Variants in MAD1L1 observed in about 807,000 individuals in gnomAD.
MAD1L1 encodes mitotic arrest deficient 1 like 1, also known as mitotic spindle assembly checkpoint protein MAD1.
A neutral mutation model predicts 96.9 loss-of-function variants in MAD1L1; 95 were observed. The ratio of observed to expected loss-of-function variants is 0.98; its 90% CI spans 0.83 to 1.16. The LOEUF (loss-of-function observed/expected upper bound fraction) is 1.16. Ranked by LOEUF, MAD1L1 falls within the 50% of genes most tolerant of loss-of-function variation. MAD1L1 has a pLI of 0.00. For synonymous variants in MAD1L1, 473 were observed against 396.6 expected, an observed-to-expected ratio of 1.19 and a Z score of -2.29; for missense variants, 1,007 against 954.4, an observed-to-expected ratio of 1.06 and a Z score of -0.73.
intron 15 of MAD1L1, among the ~76,000 whole-genome samples, chr7:1,976,407 G>A (rs1234278782): frequency 6.6e-6 from 1 of 152,208 alleles, no homozygotes; most frequent in African/African-American, 2.4e-5. Context: ...TTCATGGTGA[G>A]TGTTACAGCT....
At chr7:1,959,931 AATT>A (rs1779883324) in intron 15 of MAD1L1, among the ~76,000 whole-genome samples, 1 of 152,230 alleles carries the variant, frequency 6.6e-6, no homozygotes, top group Non-Finnish European at 1.5e-5. Context: ...AAAAAATTTA[AATT>A]ATTAACTTTT....
In MAD1L1 at chr7:2,225,532, G is replaced by T. The variant is rs780906276; in HGVS notation, c.169C>A (p.Gln57Lys). Residue 57 changes from glutamine (Q) to lysine (K), a missense_variant, in exon 4 of 19, where the codon CAG (glutamine) becomes AAG (lysine). Gln to Lys is a moderately conservative substitution (Grantham distance 53, BLOSUM62 1). Coordinates refer to ENST00000265854, the MANE Select transcript of MAD1L1 (RefSeq NM_001013836.2). The part of the protein sequence containing the change: ...QSMQLEERAE[Q>K]IRSKSHLIQV... ...ATGAGGTGGGACTTCGAACGGATCT[G>T]CTCTGCTCTTTCCTCCAGCTGAGCA... The T allele has an allele frequency of 6.2e-7, 1 of 1,613,774 alleles. No homozygotes were observed. Among genetic ancestry groups the T allele is most frequent in the Non-Finnish European group, 8.5e-7 (1 of 1,180,026 alleles).
intron 11 of MAD1L1, among the ~76,000 whole-genome samples, chr7:2,073,403 G>A (rs774363442): frequency 1.4e-4 from 22 of 152,164 alleles, no homozygotes; most frequent in Admixed American, 1.3e-4. Flanking sequence ...ACCCTTGCTG[G>A]CACCCAGATC....
At chr7:1,945,932 CAA>C (rs1452427256) in intron 16 of MAD1L1, among the ~76,000 whole-genome samples, 1 of 152,160 alleles carries the variant, frequency 6.6e-6, no homozygotes, top group Non-Finnish European at 1.5e-5. Context: ...TCCTCCTACG[CAA>C]AGACCCAAGC....
chr7:2,032,067 C>T (rs1227540485), intron 12 of MAD1L1, among the ~76,000 whole-genome samples: 1 of 152,234 alleles, frequency 6.6e-6, no homozygotes, highest in Non-Finnish European at 1.5e-5. Flanking sequence ...GCAGCCAGTG[C>T]CCAGGGTGCC....
intron 11 of MAD1L1, among the ~76,000 whole-genome samples, chr7:2,126,084 G>A (rs1339823284): frequency 6.6e-6 from 1 of 152,210 alleles, no homozygotes. Context: ...GACAGACCCA[G>A]GCTTCGGTCC....
At chr7:2,037,250 T>C (rs1481665403) in intron 12 of MAD1L1, among the ~76,000 whole-genome samples, 1 of 150,380 alleles carries the variant, frequency 6.6e-6, no homozygotes, top group Non-Finnish European at 1.5e-5. Context: ...TTTAGAAGAA[T>C]GGAGAAGATG....
rs367730610 is a variant in MAD1L1, at chr7:1,977,300, C to T, written c.1505+3153G>A. Among the ~76,000 whole-genome samples, 212 of 152,352 alleles carry T rather than the reference C, an allele frequency of 1.4e-3. 6 individuals are homozygous for T. In the South Asian group the frequency reaches 0.039, roughly 28 times the overall value. Reference sequence around the variant, plus strand: ...AGGCCCAGTGAGAATTCGACTGCAGCGCAGATGGGCCAGCAGTGCTGGGGG... The same window carrying T: ...AGGCCCAGTGAGAATTCGACTGCAGTGCAGATGGGCCAGCAGTGCTGGGGG... On this transcript the variant is annotated intron_variant, in intron 15 of 18. Coordinates refer to ENST00000265854, the MANE Select transcript of MAD1L1 (RefSeq NM_001013836.2).
chr7:2,050,864 G>A (rs1386574576), intron 12 of MAD1L1, among the ~76,000 whole-genome samples: 1 of 152,194 alleles, frequency 6.6e-6, no homozygotes, highest in Admixed American at 6.5e-5. Flanking sequence ...TCCAGGAGGG[G>A]CCTAGAGAGG....
chr7:1,825,406 C>T (rs563428898), intron 18 of MAD1L1, among the ~76,000 whole-genome samples: 22 of 152,346 alleles, frequency 1.4e-4, no homozygotes, highest in African/African-American at 2.9e-4. Context: ...GCACCACAGA[C>T]GCCAGGCGTG....
intron 18 of MAD1L1, among the ~76,000 whole-genome samples, chr7:1,897,348 C>T (rs538180478): frequency 6.6e-6 from 1 of 152,342 alleles, no homozygotes; most frequent in East Asian, 1.9e-4. Flanking sequence ...AGGTGGGGCC[C>T]GTCTCTGCCT....
chr7:1,887,396 T>C (rs1230079889), intron 18 of MAD1L1, among the ~76,000 whole-genome samples: 2 of 130,140 alleles, frequency 1.5e-5, no homozygotes, highest in African/African-American at 3.1e-5. Context: ...CATGCATGTA[T>C]GTGGCTGCCT....
Position 2,167,904 on chromosome 7 carries a change from T to A in MAD1L1, c.987-18666A>T, listed in dbSNP as rs371685605. Among the ~76,000 whole-genome samples the A allele has an allele frequency of 1.8e-4, 27 of 152,132 alleles. 1 individual carries two copies. In the East Asian group the frequency reaches 4.1e-3, roughly 23 times the overall value. ...AATTTTTTAAGAAGCAAAATAACCA[T>A]TCTGTAATAAATTTCACACTCCCCA... On this transcript the variant is annotated intron_variant, in intron 10 of 18. Transcript: ENST00000265854.
chr7:2,080,939 A>G (rs2128538518), intron 11 of MAD1L1, among the ~76,000 whole-genome samples: 1 of 152,306 alleles, frequency 6.6e-6, no homozygotes, highest in East Asian at 1.9e-4. Context: ...GCACTTTGTG[A>G]CATTATATCT....
chr7:2,152,403 G>A (rs542785272), intron 10 of MAD1L1, among the ~76,000 whole-genome samples: 24 of 152,198 alleles, frequency 1.6e-4, no homozygotes, highest in Admixed American at 1.2e-3. Context: ...CCCTCCCTTC[G>A]CAGCCTCTTG....
intron 10 of MAD1L1, among the ~76,000 whole-genome samples, chr7:2,184,328 G>A (rs1341053236): frequency 6.6e-6 from 1 of 152,036 alleles, no homozygotes; most frequent in African/African-American, 2.4e-5. Flanking sequence ...ATTAGGGAAC[G>A]TGAGTTAAAG....
chr7:1,929,001 C>A (rs902700973), intron 17 of MAD1L1, among the ~76,000 whole-genome samples: 2 of 152,296 alleles, frequency 1.3e-5, no homozygotes, highest in Admixed American at 1.3e-4. Context: ...AAGCAGTGCA[C>A]AGGACGCAAC....
intron 14 of MAD1L1, among the ~76,000 whole-genome samples, chr7:1,981,349 G>A (rs1780896601): frequency 6.6e-6 from 1 of 152,168 alleles, no homozygotes; most frequent in Admixed American, 6.5e-5. Flanking sequence ...CCAGGAGCCA[G>A]AACGGACTGC....
chr7:2,061,805 A>C (rs1418386866), intron 12 of MAD1L1, among the ~76,000 whole-genome samples: 3 of 152,270 alleles, frequency 2.0e-5, no homozygotes, highest in African/African-American at 7.2e-5. Context: ...ATTTTTATAC[A>C]ATGGAAAACT....
Sources: gnomAD v4.1 joint callset for allele counts (sites outside exome capture counted in the v4.1 genomes callset) on GRCh38, gnomAD v4.1.1 for gene constraint, MANE v1.5 for transcripts, NCBI Gene and HGNC (gene_info 2026-07-23, HGNC 2026-07-21) for gene names.